RP1: variants seen among roughly 807,000 people sequenced by gnomAD.
RP1 encodes the protein oxygen-regulated protein 1.
In RP1, 16 loss-of-function variants were observed where a neutral mutation model predicts 14.8. The observed-to-expected ratio is 1.08, with a 90% CI of 0.73 to 1.65. The LOEUF is 1.65. RP1 is among the 40% of genes most tolerant of loss of function. The pLI is 0.00. For missense variants in RP1, 2,631 were observed against 2,535.0 expected (o/e 1.04, Z -0.81); for synonymous variants, 876 against 883.6 (o/e 0.99, Z 0.15).
chr8:54,837,128 C>T (rs1811676770), intron 24 of RP1, among the ~76,000 whole-genome samples: 1 of 145,306 alleles, frequency 6.9e-6, no homozygotes, highest in Non-Finnish European at 1.5e-5. Context: ...TTGTCTTATT[C>T]TTCAGGTCTA....
chr8:54,824,973 A>ATTTATTTATTTATTT lies in RP1; in HGVS notation c.3616-12477_3616-12476insTTTATTTATTTATTT, dbSNP rs759970980. Among the ~76,000 whole-genome samples, 641 of 150,200 alleles carry ATTTATTTATTTATTT rather than the reference A, an allele frequency of 4.3e-3. 9 individuals carry two copies. Among genetic ancestry groups the ATTTATTTATTTATTT allele is most frequent in the African/African-American group, 0.015 (598 of 40,672 alleles). ...TTCTTTTTCTTTCTTTTTTTTTTTT[A>ATTTATTTATTTATTT]ATTTATTTATGAGATGGAGGCTCGC... On this transcript the variant is annotated intron_variant, in intron 24 of 28. Coordinates refer to the RP1 transcript ENST00000637698.
intron 12 of RP1, among the ~76,000 whole-genome samples, chr8:54,688,920 G>A (rs550285752): frequency 2.0e-5 from 3 of 152,206 alleles, no homozygotes; most frequent in South Asian, 2.1e-4. Flanking sequence ...CCATTTTCAC[G>A]ATATTGATTC....
At chr8:54,787,435 A>C (rs1362238708) in intron 24 of RP1, among the ~76,000 whole-genome samples, 1 of 152,090 alleles carries the variant, frequency 6.6e-6, no homozygotes, top group Non-Finnish European at 1.5e-5. Context: ...AAATTTGTTT[A>C]ATATTGACTG....
chr8:54,857,358 T>C, intron 27 of RP1, among the ~76,000 whole-genome samples: 1 of 147,832 alleles, frequency 6.8e-6, no homozygotes. Flanking sequence ...AATCATAAAT[T>C]TACATTAAAT....
intron 24 of RP1, among the ~76,000 whole-genome samples, chr8:54,812,562 C>T (rs1216636733): frequency 6.6e-6 from 1 of 152,194 alleles, no homozygotes; most frequent in Admixed American, 6.5e-5. Flanking sequence ...CAATAACCAA[C>T]CTTAGAAAGA....
chr8:54,686,667 G>A (rs919994889), intron 12 of RP1, among the ~76,000 whole-genome samples: 1 of 151,930 alleles, frequency 6.6e-6, no homozygotes, highest in Non-Finnish European at 1.5e-5. Context: ...TCTCTATTGT[G>A]GGATCTTATC....
At chr8:54,864,529 G>GAA (rs1230022426) in intron 27 of RP1, among the ~76,000 whole-genome samples, 3 of 151,834 alleles carry the variant, frequency 2.0e-5, no homozygotes, top group Admixed American at 2.0e-4. Flanking sequence ...TTGATGTTTT[G>GAA]AAAAAATGTT....
At chr8:54,737,216 T>A (rs1416369292) in intron 18 of RP1, among the ~76,000 whole-genome samples, 1 of 152,166 alleles carries the variant, frequency 6.6e-6, no homozygotes, top group Non-Finnish European at 1.5e-5. Context: ...AGTAGACACT[T>A]AAAAGAGCCT....
intron 27 of RP1, among the ~76,000 whole-genome samples, chr8:54,859,217 A>G (rs1423026926): frequency 1.3e-5 from 2 of 150,222 alleles, no homozygotes; most frequent in Non-Finnish European, 3.0e-5. Context: ...GTGGAGCAGC[A>G]CTGTCACTGT....
intron 22 of RP1, among the ~76,000 whole-genome samples, chr8:54,765,924 A>G (rs1042541510): frequency 2.6e-5 from 4 of 152,092 alleles, no homozygotes; most frequent in African/African-American, 7.2e-5. Context: ...AGTGTCTCAT[A>G]AATTTCTCTT....
chr8:54,721,026 T>G (rs1585634924), intron 16 of RP1, among the ~76,000 whole-genome samples: 1 of 152,234 alleles, frequency 6.6e-6, no homozygotes, highest in East Asian at 1.9e-4. Context: ...TTAGTCTGAC[T>G]TTTGTTTAGC....
chr8:54,830,501 A>T (rs1462036700), intron 24 of RP1, among the ~76,000 whole-genome samples: 1 of 152,112 alleles, frequency 6.6e-6, no homozygotes, highest in Non-Finnish European at 1.5e-5. Flanking sequence ...TAATGTTAAT[A>T]TACAGATGCA....
At chr8:54,869,713 C>T (rs1812537671) in intron 28 of RP1, 3 of 412,680 alleles carry the variant, frequency 7.3e-6, no homozygotes, top group Middle Eastern at 6.2e-4. Flanking sequence ...ATCTTAAATC[C>T]TTTTTTAAAA....
chr8:54,752,630 G>T (rs1466517359), intron 19 of RP1, among the ~76,000 whole-genome samples: 1 of 152,214 alleles, frequency 6.6e-6, no homozygotes, highest in Non-Finnish European at 1.5e-5. Flanking sequence ...TGCAAGGCGG[G>T]AACTGACCTG....
intron 1 of RP1, among the ~76,000 whole-genome samples, chr8:54,580,464 G>A (rs1286713932): frequency 6.7e-6 from 1 of 150,326 alleles, no homozygotes. Flanking sequence ...GCGCCACCAC[G>A]CCCAGCTAAT....
At chr8:54,632,796 T>C (rs1806274038), downstream of RP1, among the ~76,000 whole-genome samples, 1 of 152,212 alleles carries the variant, frequency 6.6e-6, no homozygotes, top group African/African-American at 2.4e-5. Flanking sequence ...TTAAAAAATC[T>C]TGTCACACTG....
intron 24 of RP1, among the ~76,000 whole-genome samples, chr8:54,835,801 G>A (rs948700211): frequency 2.6e-5 from 4 of 152,166 alleles, no homozygotes; most frequent in African/African-American, 9.7e-5. Context: ...TTTCTATGAA[G>A]AGACCATGTT....
intron 12 of RP1, among the ~76,000 whole-genome samples, chr8:54,693,813 C>T (rs2129340510): frequency 6.6e-6 from 1 of 152,106 alleles, no homozygotes; most frequent in East Asian, 1.9e-4. Flanking sequence ...CCTTTATTTC[C>T]TTCTCCTGCC....
intron 23 of RP1, among the ~76,000 whole-genome samples, chr8:54,775,624 T>C (rs572843795): frequency 5.3e-5 from 8 of 152,266 alleles, no homozygotes; most frequent in Admixed American, 3.3e-4. Flanking sequence ...GTTGACACTA[T>C]GTGGAGCAGA....
Sources: gnomAD v4.1 joint callset for allele counts (sites outside exome capture counted in the v4.1 genomes callset) on GRCh38, gnomAD v4.1.1 for gene constraint, MANE v1.5 for transcripts, NCBI Gene and HGNC (gene_info 2026-07-23, HGNC 2026-07-21) for gene names.